The following REV3L variants were observed in gnomAD, a reference collection of about 807,000 sequenced individuals.
The protein encoded by REV3L is DNA polymerase zeta catalytic subunit.
REV3L carries 69 observed loss-of-function variants against 299.4 expected under a neutral mutation model. That is an observed-to-expected ratio of 0.23 (90% CI 0.19 to 0.28). The LOEUF is 0.28. Ranked by LOEUF, REV3L falls within the 10% of genes least tolerant of loss-of-function variation. The pLI, the probability that REV3L is intolerant of heterozygous loss-of-function variation, is 1.00. For synonymous variants in REV3L, 1,238 were observed against 1,271.4 expected (o/e 0.97, Z 0.56); for missense variants, 3,128 against 3,693.8 (o/e 0.85, Z 3.97).
At chr6:111,320,597 C>T (rs1223596896) in intron 26 of REV3L, among the ~76,000 whole-genome samples, 1 of 152,168 alleles carries the variant, frequency 6.6e-6, no homozygotes, top group African/African-American at 2.4e-5. Context: ...TACTTGTATT[C>T]TGCCAGGGTG....
rs553055854 is a variant in REV3L, at chr6:111,357,178, T to C, written c.7073-53A>G. 300 of 616,344 alleles carry C rather than the reference T, an allele frequency of 4.9e-4. No homozygotes were observed. In the African/African-American group the frequency reaches 5.2e-3, roughly 11 times the overall value. The allele number at this position is 616,344 out of a possible 1,614,324, so 38.2% of individuals were successfully genotyped here. ...ATATAACATTATATAATAATATACC[T>C]TCATAATATAAAAGTAATATTATCC... is the stretch of plus-strand genomic sequence containing the variant. On this transcript the variant is annotated intron_variant, in intron 17 of 31. Transcript: ENST00000368802.
At chr6:111,384,148 A>G (rs781397940) in intron 9 of REV3L, among the ~76,000 whole-genome samples, 3 of 152,242 alleles carry the variant, frequency 2.0e-5, no homozygotes, top group Non-Finnish European at 4.4e-5. Context: ...CTATGAAAAT[A>G]CTAAAAGAAA....
chr6:111,352,175 T>C (rs910399021), intron 18 of REV3L, among the ~76,000 whole-genome samples: 1 of 151,906 alleles, frequency 6.6e-6, no homozygotes, highest in African/African-American at 2.4e-5. Context: ...CCCGGCTAAT[T>C]TTTTGTATTT....
intron 16 of REV3L, among the ~76,000 whole-genome samples, chr6:111,362,343 AGTTTAT>A (rs1282576547): frequency 6.6e-6 from 1 of 152,150 alleles, no homozygotes; most frequent in African/African-American, 2.4e-5. Flanking sequence ...TTTTTCCCTC[AGTTTAT>A]GTTAATCTAA....
At chr6:111,462,706 GTA>G (rs1790943251) in intron 1 of REV3L, among the ~76,000 whole-genome samples, 1 of 152,142 alleles carries the variant, frequency 6.6e-6, no homozygotes, top group Non-Finnish European at 1.5e-5. Flanking sequence ...TCTGGTGGGA[GTA>G]TAGATTGGTA....
chr6:111,356,968 C>A, intron 18 of REV3L, 46 bp downstream of exon 18: 1 of 1,035,148 alleles, frequency 9.7e-7, no homozygotes, highest in Non-Finnish European at 1.4e-6. Context: ...TAGCATGAAA[C>A]GACTCTCTGA....
rs1583168892 is a variant in REV3L, at chr6:111,483,058, G to A, written c.-170C>T. On this transcript the variant is annotated 5_prime_UTR_variant, in exon 1 of 32. Coordinates refer to ENST00000368802, the MANE Select transcript of REV3L (RefSeq NM_001372078.1). ...CGGCGGGCGGGGCGGTGTAGGCGCT[G>A]CTGCCGCCGCCTCCTCAGGAGCACC... 1 of 792,514 alleles carries A rather than the reference G, an allele frequency of 1.3e-6. No homozygotes were observed. The highest frequency in any genetic ancestry group is 1.8e-6 in the Non-Finnish European group (1 of 558,336). 49.1% of individuals were successfully genotyped at this position (792,514 alleles called of 1,614,324 possible). A position where few individuals can be genotyped will look rare whatever the true frequency, so the allele number is the denominator to read the frequency against.
At chr6:111,433,396 T>C (rs1787179352) in intron 1 of REV3L, among the ~76,000 whole-genome samples, 1 of 151,956 alleles carries the variant, frequency 6.6e-6, no homozygotes, top group African/African-American at 2.4e-5. Flanking sequence ...AAAGAGACTA[T>C]TATGAAGAGG....
chr6:111,421,749 G>C (rs1303594140), intron 1 of REV3L, among the ~76,000 whole-genome samples: 1 of 151,918 alleles, frequency 6.6e-6, no homozygotes, highest in Non-Finnish European at 1.5e-5. Context: ...TCTAAACAAG[G>C]TTTTAAACAA....
intron 1 of REV3L, among the ~76,000 whole-genome samples, chr6:111,478,109 T>C (rs1197290663): frequency 2.0e-5 from 3 of 152,224 alleles, no homozygotes; most frequent in Non-Finnish European, 4.4e-5. Flanking sequence ...TAGCTGTTCC[T>C]CTATCTGAAA....
intron 1 of REV3L, among the ~76,000 whole-genome samples, chr6:111,440,414 T>C (rs1299657468): frequency 6.6e-6 from 1 of 152,208 alleles, no homozygotes; most frequent in Non-Finnish European, 1.5e-5. Context: ...AACGTATCTT[T>C]TGGCGAAAAT....
intron 4 of REV3L, among the ~76,000 whole-genome samples, chr6:111,404,581 G>T (rs1783426695): frequency 6.6e-6 from 1 of 152,268 alleles, no homozygotes; most frequent in South Asian, 2.1e-4. Context: ...TTCCAGAAAG[G>T]ATTCACCATT....
chr6:111,422,663 CA>C (rs1785655233), intron 1 of REV3L, among the ~76,000 whole-genome samples: 1 of 17,876 alleles, frequency 5.6e-5, no homozygotes, highest in Non-Finnish European at 2.0e-4. Flanking sequence ...TATATATATA[CA>C]TATATATATA....
intron 25 of REV3L, among the ~76,000 whole-genome samples, chr6:111,327,365 G>A (rs1774941255): frequency 6.6e-6 from 1 of 152,094 alleles, no homozygotes. Context: ...GACCAGCCTG[G>A]GCAGCAGGGC....
chr6:111,345,409 T>C (rs2114913647), intron 20 of REV3L, among the ~76,000 whole-genome samples: 1 of 152,328 alleles, frequency 6.6e-6, no homozygotes, highest in South Asian at 2.1e-4. Flanking sequence ...TGAATGGCAC[T>C]ATATCTACTT....
intron 20 of REV3L, among the ~76,000 whole-genome samples, chr6:111,348,242 C>T (rs1777222495): frequency 6.6e-6 from 1 of 152,110 alleles, no homozygotes; most frequent in Non-Finnish European, 1.5e-5. Flanking sequence ...TGTGAGCCAC[C>T]ATGTATGGCT....
chr6:111,313,253 G>A lies in REV3L; in HGVS notation c.8604+99C>T, dbSNP rs562605586. 26 of 1,063,332 alleles carry A rather than the reference G, an allele frequency of 2.4e-5. No homozygotes were observed. In the African/African-American group the frequency reaches 3.9e-4, roughly 16 times the overall value. 65.9% of individuals were successfully genotyped at this position (1,063,332 alleles called of 1,614,324 possible). On this transcript the variant is annotated intron_variant, in intron 28 of 31. Coordinates refer to ENST00000368802, the MANE Select transcript of REV3L (RefSeq NM_001372078.1). Reference sequence around the variant, plus strand: ...AGTTATATTAATTATATAGGCTATAGTTCCTTCACCTAGATGCATGTTTAA... The same window carrying A: ...AGTTATATTAATTATATAGGCTATAATTCCTTCACCTAGATGCATGTTTAA...
At chr6:111,380,789 C>T (rs1410307599) in intron 10 of REV3L, among the ~76,000 whole-genome samples, 7 of 152,186 alleles carry the variant, frequency 4.6e-5, no homozygotes, top group East Asian at 1.9e-4. Context: ...GGGTCTTGGC[C>T]GTGGGTACAG....
chr6:111,457,285 G>A (rs974562535), intron 1 of REV3L, among the ~76,000 whole-genome samples: 6 of 151,806 alleles, frequency 4.0e-5, no homozygotes, highest in South Asian at 2.1e-4. Flanking sequence ...GCATAATTCC[G>A]AAGACAATCA....
Sources: allele counts gnomAD v4.1 joint callset (sites outside exome capture counted in the v4.1 genomes callset), GRCh38; gene constraint gnomAD v4.1.1; transcripts MANE v1.5; gene names NCBI Gene and HGNC (gene_info 2026-07-23, HGNC 2026-07-21).